Variants in ASIC2 observed in about 807,000 individuals in gnomAD.
ASIC2 encodes the protein acid sensing ion channel subunit 2, also known as acid-sensing ion channel 2.
A neutral mutation model predicts 57.3 loss-of-function variants in ASIC2; 25 were observed. The observed-to-expected ratio is 0.44, with a 90% CI of 0.32 to 0.61. The LOEUF (loss-of-function observed/expected upper bound fraction) is 0.61, where lower values mean the gene tolerates loss of function less well. ASIC2 is among the 20% of genes least tolerant of loss of function. The probability of loss-of-function intolerance (pLI) is 0.06; values close to 1 mark genes in which losing one functional copy is unlikely to be tolerated. For synonymous variants in ASIC2, 319 were observed against 307.5 expected (o/e 1.04, Z -0.39); for missense variants, 641 against 738.1 (o/e 0.87, Z 1.52).
At chr17:33,245,354 A>G (rs1417960068) in intron 1 of ASIC2, among the ~76,000 whole-genome samples, 1 of 152,190 alleles carries the variant, frequency 6.6e-6, no homozygotes, top group Non-Finnish European at 1.5e-5. Context: ...ATTTCAGCTC[A>G]TCTTTGGGTT....
chr17:33,489,208 C>G (rs1283804111), intron 1 of ASIC2, among the ~76,000 whole-genome samples: 2 of 152,132 alleles, frequency 1.3e-5, no homozygotes, highest in Non-Finnish European at 2.9e-5. Context: ...CCCTGTATAA[C>G]TAAAAGCCAC....
intron 1 of ASIC2, among the ~76,000 whole-genome samples, chr17:33,424,698 C>T (rs1182510129): frequency 2.6e-5 from 4 of 152,124 alleles, no homozygotes; most frequent in Admixed American, 6.5e-5. Flanking sequence ...CCTTTTCTTC[C>T]TTCCTTTAGT....
intron 1 of ASIC2, among the ~76,000 whole-genome samples, chr17:33,496,111 A>G (rs1913922268): frequency 6.6e-6 from 1 of 152,220 alleles, no homozygotes; most frequent in African/African-American, 2.4e-5. Context: ...CGGCTTTATA[A>G]GGACATCAGG....
chr17:33,479,403 A>C (rs992255383), intron 1 of ASIC2, among the ~76,000 whole-genome samples: 1 of 152,088 alleles, frequency 6.6e-6, no homozygotes, highest in Non-Finnish European at 1.5e-5. Flanking sequence ...TGTTTTGGTG[A>C]ATGTTCTGGG....
chr17:34,037,375 G>C, intron 1 of ASIC2: 2 of 447,290 alleles, frequency 4.5e-6, no homozygotes, highest in Non-Finnish European at 7.9e-6. Flanking sequence ...GCCACACACA[G>C]TGGCCGTTGA....
intron 1 of ASIC2, among the ~76,000 whole-genome samples, chr17:34,088,516 C>G (rs190270988): frequency 3.3e-4 from 51 of 152,316 alleles, no homozygotes; most frequent in East Asian, 3.3e-3. Flanking sequence ...GCAGTCTGCC[C>G]GTTCTCAGAT....
chr17:33,024,505 C>T (rs1446840099), intron 5 of ASIC2, among the ~76,000 whole-genome samples: 2 of 152,220 alleles, frequency 1.3e-5, no homozygotes, highest in Non-Finnish European at 2.9e-5. Context: ...GGAGGCAACT[C>T]CCTGCATCTG....
intron 1 of ASIC2, among the ~76,000 whole-genome samples, chr17:34,030,690 G>A (rs868150911): frequency 6.6e-6 from 1 of 152,132 alleles, no homozygotes; most frequent in Non-Finnish European, 1.5e-5. Flanking sequence ...CTTAAACAAC[G>A]GCACACCAGG....
At chr17:33,832,037 C>T (rs1009851158) in intron 1 of ASIC2, among the ~76,000 whole-genome samples, 3 of 152,182 alleles carry the variant, frequency 2.0e-5, no homozygotes, top group Non-Finnish European at 4.4e-5. Flanking sequence ...CAAAAACCAT[C>T]GTAGTTCATC....
intron 1 of ASIC2, among the ~76,000 whole-genome samples, chr17:33,661,833 C>T (rs1004733317): frequency 3.9e-5 from 6 of 152,150 alleles, no homozygotes; most frequent in African/African-American, 1.4e-4. Flanking sequence ...GGAGAGGGCT[C>T]TGGCAGAAAA....
At chr17:33,557,911 G>A (rs147915891) in intron 1 of ASIC2, among the ~76,000 whole-genome samples, 1 of 151,926 alleles carries the variant, frequency 6.6e-6, no homozygotes, top group Non-Finnish European at 1.5e-5. Flanking sequence ...CCTTCCAACT[G>A]GTCTTCCCAT....
intron 1 of ASIC2, among the ~76,000 whole-genome samples, chr17:34,144,654 G>A (rs1357533110): frequency 6.6e-6 from 1 of 152,134 alleles, no homozygotes; most frequent in African/African-American, 2.4e-5. Flanking sequence ...TAATAGATGA[G>A]GATATTGAAG....
intron 1 of ASIC2, among the ~76,000 whole-genome samples, chr17:33,519,067 G>A (rs562051723): frequency 7.3e-4 from 111 of 152,134 alleles, no homozygotes; most frequent in Non-Finnish European, 6.0e-4. Flanking sequence ...TGATCCGCCC[G>A]CCTCGGCCTC....
intron 1 of ASIC2, among the ~76,000 whole-genome samples, chr17:33,732,854 C>T (rs543106603): frequency 1.3e-4 from 20 of 152,128 alleles, no homozygotes; most frequent in African/African-American, 4.8e-4. Flanking sequence ...GCCAGGCTGG[C>T]CCCAAACTCC....
chr17:33,458,118 G>T (rs1193424804), intron 1 of ASIC2, among the ~76,000 whole-genome samples: 1 of 152,182 alleles, frequency 6.6e-6, no homozygotes, highest in Non-Finnish European at 1.5e-5. Context: ...TCAATGGCAG[G>T]TTATGGAGTG....
intron 1 of ASIC2, among the ~76,000 whole-genome samples, chr17:34,127,466 G>C (rs1256775394): frequency 6.6e-6 from 1 of 152,248 alleles, no homozygotes; most frequent in Non-Finnish European, 1.5e-5. Context: ...CCCACAGCCA[G>C]AGTTTCAATT....
intron 1 of ASIC2, among the ~76,000 whole-genome samples, chr17:33,852,446 C>G (rs982308000): frequency 6.6e-6 from 1 of 152,144 alleles, no homozygotes; most frequent in Non-Finnish European, 1.5e-5. Context: ...AGGAGAAAAG[C>G]TGGTGCCTCT....
chr17:33,278,172 G>A (rs1904781371), intron 1 of ASIC2, among the ~76,000 whole-genome samples: 1 of 150,878 alleles, frequency 6.6e-6, no homozygotes, highest in South Asian at 2.1e-4. Context: ...GGCAGCCCCT[G>A]CTGTTCCCTA....
At chr17:33,728,959 G>A (rs1011715718) in intron 1 of ASIC2, among the ~76,000 whole-genome samples, 11 of 152,212 alleles carry the variant, frequency 7.2e-5, no homozygotes, top group Admixed American at 1.3e-4. Context: ...TCTTTGCTGG[G>A]CCCCATCACC....
Sources: gnomAD v4.1 joint callset for allele counts (sites outside exome capture counted in the v4.1 genomes callset) on GRCh38, gnomAD v4.1.1 for gene constraint, MANE v1.5 for transcripts, NCBI Gene and HGNC (gene_info 2026-07-23, HGNC 2026-07-21) for gene names.